Variants in F5 observed in about 807,000 individuals in gnomAD.
The protein encoded by F5 is activated protein c cofactor.
A neutral mutation model predicts 216.4 loss-of-function variants in F5; 138 were observed. The observed-to-expected ratio is 0.64, with a 90% confidence interval of 0.56 to 0.73. The LOEUF (loss-of-function observed/expected upper bound fraction) is 0.73, where lower values mean the gene tolerates loss of function less well. Among genes scored for constraint, F5 ranks in the 30% least tolerant of loss-of-function variants. The pLI is 0.00. For missense variants in F5, 2,403 were observed against 2,674.0 expected (o/e 0.90, Z 2.24); for synonymous variants, 916 against 930.7 (o/e 0.98, Z 0.29).
chr1:169,553,006 A>G (rs1052978791), intron 7 of F5, among the ~76,000 whole-genome samples: 10 of 152,338 alleles, frequency 6.6e-5, no homozygotes, highest in Admixed American at 6.5e-4. Flanking sequence ...TTGCTACAGC[A>G]GACATTTGAT....
intron 3 of F5, among the ~76,000 whole-genome samples, chr1:169,561,361 T>C (rs964647581): frequency 1.3e-5 from 2 of 152,082 alleles, no homozygotes; most frequent in Admixed American, 1.3e-4. Context: ...GTCCATCCCC[T>C]GAAACTTAGA....
chr1:169,546,783 A>G (rs1660014267), intron 10 of F5, among the ~76,000 whole-genome samples, 191 bp from the exon 11 acceptor site: 1 of 152,132 alleles, frequency 6.6e-6, no homozygotes, highest in African/African-American at 2.4e-5. Flanking sequence ...AGAAAATTGA[A>G]ACTGGACCCC....
intron 17 of F5, 62 bp downstream of exon 17, chr1:169,527,853 T>A: frequency 6.3e-7 from 1 of 1,587,828 alleles, no homozygotes; most frequent in Non-Finnish European, 8.6e-7. Context: ...TGAGAAGGAG[T>A]TACAGATTGC....
chr1:169,533,776 G>C (rs1380962410), intron 14 of F5, among the ~76,000 whole-genome samples: 1 of 152,090 alleles, frequency 6.6e-6, no homozygotes, highest in Admixed American at 6.6e-5. Context: ...AAAAGGGAAT[G>C]CTTATACACT....
rs939304311 is a variant in F5 at position 169,512,700 on chromosome 1, T to C, written c.*1613A>G. On this transcript the variant is annotated 3_prime_UTR_variant, in exon 25 of 25. Transcript: ENST00000367797. ...GACATGAATCATGAAAAGAAAGGAA[T>C]AGTGGGAATACGAATATTAGAAAGC... 6.6e-6 allele frequency among the ~76,000 whole-genome samples: 1 copy of C among 152,072 alleles called. No individual in the cohort carries two copies. The highest frequency in any genetic ancestry group is 6.6e-5 in the Admixed American group (1 of 15,236).
Position 169,541,021 on chromosome 1 carries a change from G to A in F5, c.4069C>T (p.Leu1357Phe), listed in dbSNP as rs1416619327. The A allele has an allele frequency of 1.3e-6, 2 of 1,589,572 alleles. No individual in the cohort carries two copies. The highest frequency in any genetic ancestry group is 8.6e-7 in the Non-Finnish European group (1 of 1,162,822). Residue 1357 changes from leucine to phenylalanine, a missense_variant, in exon 13 of 25, where the codon CTT becomes TTT. Physicochemically the swap from Leu to Phe is conservative, Grantham distance 22 (BLOSUM62 0). Coordinates refer to ENST00000367797, the MANE Select transcript of F5 (RefSeq NM_000130.5). The stretch of plus-strand genomic sequence containing the variant: ...GTTGTATGGCTGGGGTCTGGAGAAA[G>A]GGGCATCTGACCGAGGGCTGGGGAA... ...NLSPALGQMPLSPDPSHTTLS... is the reference protein window; with the variant it reads ...NLSPALGQMPFSPDPSHTTLS...
chr1:169,578,519 G>C lies in F5; in HGVS notation c.250+3912C>G, dbSNP rs115194774. 8.3e-3 allele frequency among the ~76,000 whole-genome samples: 1,258 copies of C among 152,200 alleles called. 16 individuals are homozygous for C. The highest frequency in any genetic ancestry group is 0.028 in the African/African-American group (1,183 of 41,514). ...TAGCACAATGTCTCACACAGCAAAG[G>C]GATTAAAATTTGCTTAGCTTGGCAA... On this transcript the variant is annotated intron_variant, in intron 2 of 24. Coordinates refer to ENST00000367797, the MANE Select transcript of F5 (RefSeq NM_000130.5).
chr1:169,545,753 C>G (rs969913397), intron 11 of F5, among the ~76,000 whole-genome samples: 2 of 152,194 alleles, frequency 1.3e-5, no homozygotes, highest in Non-Finnish European at 2.9e-5. Flanking sequence ...TGATTACCTA[C>G]TAGAGAAGGT....
chr1:169,556,832 G>A lies in F5; in HGVS notation c.766C>T (p.His256Tyr). ...GGCCCCGAGCTCATTCCCAGCAGATGCCAGCTGATGTGGTCATGGGCACAA... is the reference window on the plus strand; with the variant it reads ...GGCCCCGAGCTCATTCCCAGCAGATACCAGCTGATGTGGTCATGGGCACAA... Reference protein sequence around the residue: ...TVCAHDHISWHLLGMSSGPEL... With the variant: ...TVCAHDHISWYLLGMSSGPEL... The change falls in exon 6 of 25, where the codon CAT (histidine) becomes TAT (tyrosine). Residue 256 changes from histidine to tyrosine, a missense_variant. Physicochemically the swap from His to Tyr is moderately conservative, Grantham distance 83. This residue lies in a region of F5 where 1,425 missense variants were observed against 1,554.8 expected (regional missense o/e 0.92). Transcript: ENST00000367797. The A allele has an allele frequency of 6.2e-7, 1 of 1,614,062 alleles. No individual in the cohort carries two copies. Among genetic ancestry groups the A allele is most frequent in the Non-Finnish European group, 8.5e-7 (1 of 1,179,982 alleles).
rs1469662743 is a variant in F5, at chr1:169,542,676, G to A, written c.2414C>T (p.Thr805Ile). The A allele has an allele frequency of 1.9e-6, 3 of 1,614,038 alleles. No individual in the cohort carries two copies. Among genetic ancestry groups the A allele is most frequent in the Non-Finnish European group, 2.5e-6 (3 of 1,180,008 alleles). Residue 805 changes from threonine (T) to isoleucine (I), a missense_variant, in exon 13 of 25, where the codon ACA becomes ATA. Transcript: ENST00000367797. ...QKAPSHQQAT[T>I]AGSPLRHLIG... is the part of the protein sequence containing the mutation. ...GAGGTGTCTCAGTGGGGAACCAGCT[G>A]TGGTGGCTTGTTGGTGAGAAGGGGC...
intron 3 of F5, among the ~76,000 whole-genome samples, chr1:169,565,265 T>C (rs1421519173): frequency 6.6e-6 from 1 of 152,142 alleles, no homozygotes; most frequent in African/African-American, 2.4e-5. Flanking sequence ...ATTAAATGCC[T>C]GTGAGATTAT....
At position 169,512,248 on chromosome 1, in the gene F5, G is replaced by A. The variant is rs1659042145; in HGVS notation, c.*2065C>T. Among the ~76,000 whole-genome samples, 2 of 151,782 alleles carry A rather than the reference G, an allele frequency of 1.3e-5. No homozygotes were observed. The highest frequency in any genetic ancestry group is 2.1e-4 in the South Asian group (1 of 4,820). On this transcript the variant is annotated 3_prime_UTR_variant, in exon 25 of 25. Transcript: ENST00000367797. ...CTTGGGCAAGTTGTTTAATCTTTGG[G>A]GCCTTATTTTTCTCAAGTAGAGAAT...
chr1:169,563,683 A>T (rs1397294540), intron 3 of F5, among the ~76,000 whole-genome samples: 1 of 151,486 alleles, frequency 6.6e-6, no homozygotes, highest in African/African-American at 2.4e-5. Flanking sequence ...TTTCTTTTCT[A>T]TGCTTTATTT....
chr1:169,512,602 G>A lies in F5; in HGVS notation c.*1711C>T, dbSNP rs1571553376. Among the ~76,000 whole-genome samples, 4 of 151,966 alleles carry A rather than the reference G, an allele frequency of 2.6e-5. No homozygotes were observed. The highest frequency in any genetic ancestry group is 7.2e-5 in the African/African-American group (3 of 41,400). On this transcript the variant is annotated 3_prime_UTR_variant, in exon 25 of 25. Coordinates refer to ENST00000367797, the MANE Select transcript of F5 (RefSeq NM_000130.5). Reference sequence around the variant, plus strand: ...CTGGCCCTGTAGAAAACAAAGAAATGTTTTCCCCCACCTTCCAACATTCTC... The same window carrying A: ...CTGGCCCTGTAGAAAACAAAGAAATATTTTCCCCCACCTTCCAACATTCTC...
chr1:169,572,433 A>G, intron 2 of F5, 90 bp from the exon 3 acceptor site: 1 of 1,483,752 alleles, frequency 6.7e-7, no homozygotes, highest in Non-Finnish European at 9.3e-7. Context: ...TGATACCAAG[A>G]GTGATTGCTA....
intron 14 of F5, among the ~76,000 whole-genome samples, chr1:169,535,592 G>A (rs1408296255): frequency 2.0e-5 from 3 of 152,060 alleles, no homozygotes; most frequent in Admixed American, 1.3e-4. Flanking sequence ...TCGCATACCC[G>A]CAGTTTATCT....
rs116751968 is a variant in F5 at position 169,577,929 on chromosome 1, C to G, written c.250+4502G>C. 6.9e-3 allele frequency among the ~76,000 whole-genome samples: 1,052 copies of G among 152,114 alleles called. 14 individuals are homozygous for G. Among genetic ancestry groups the G allele is most frequent in the African/African-American group, 0.025 (1,018 of 41,484 alleles). On this transcript the variant is annotated intron_variant, in intron 2 of 24. Coordinates refer to ENST00000367797, the MANE Select transcript of F5 (RefSeq NM_000130.5). ...CATGCTGCAGGAGTGAGGCTCATGA[C>G]TTTTTCAGGGCTCAGCTAGAATCAC...
At chr1:169,550,286 C>T (rs1660133625) in intron 9 of F5, among the ~76,000 whole-genome samples, 1 of 73,770 alleles carries the variant, frequency 1.4e-5, no homozygotes, top group Non-Finnish European at 2.4e-5. Context: ...CCCCCGCCCC[C>T]CACCCCCCCC....
rs1459757579 is a variant in F5 at position 169,577,585 on chromosome 1, ATATATATATATATATATATG to A, written c.250+4826_250+4845del. Among the ~76,000 whole-genome samples, 345 of 107,612 alleles carry A rather than the reference ATATATATATATATATATATG, an allele frequency of 3.2e-3. 10 individuals carry two copies. The highest frequency in any genetic ancestry group is 9.7e-3 in the African/African-American group (225 of 23,194). 70.6% of individuals were successfully genotyped at this position (107,612 alleles called of 152,430 possible). A position where few individuals can be genotyped will look rare whatever the true frequency, so the allele number is the denominator to read the frequency against. On this transcript the variant is annotated intron_variant, in intron 2 of 24. Coordinates refer to ENST00000367797, the MANE Select transcript of F5 (RefSeq NM_000130.5). ...AATATATATATATATATATATATATATATATATATATATATATATGTATGTATTTTTTTAAATAGAAACAG... is the reference window on the plus strand; with the variant it reads ...AATATATATATATATATATATATATATATGTATTTTTTTAAATAGAAACAG...
Sources: allele counts gnomAD v4.1 joint callset (sites outside exome capture counted in the v4.1 genomes callset), GRCh38; gene constraint gnomAD v4.1.1; regional missense constraint gnomAD v4.1.1; transcripts MANE v1.5; gene names NCBI Gene and HGNC (gene_info 2026-07-23, HGNC 2026-07-21).